SHISAL2B: variants seen among roughly 807,000 people sequenced by gnomAD.
The protein encoded by SHISAL2B is protein shisa-like-2B.
A neutral mutation model predicts 16.5 loss-of-function variants in SHISAL2B; 12 were observed. The observed-to-expected ratio is 0.73, with a 90% CI of 0.47 to 1.18. The LOEUF (loss-of-function observed/expected upper bound fraction) is 1.18, where lower values mean the gene tolerates loss of function less well. Ranked by LOEUF, SHISAL2B falls within the 50% of genes most tolerant of loss-of-function variation. The pLI, the probability that SHISAL2B is intolerant of heterozygous loss-of-function variation, is 0.00. For missense variants in SHISAL2B, 183 were observed against 193.6 expected (o/e 0.95, Z 0.33); for synonymous variants, 72 against 75.0 (o/e 0.96, Z 0.21).
chr5:64,708,336 G>C (rs1052161743), intron 2 of SHISAL2B, among the ~76,000 whole-genome samples: 1 of 152,128 alleles, frequency 6.6e-6, no homozygotes, highest in Non-Finnish European at 1.5e-5. Flanking sequence ...ACTTTAGAAA[G>C]TGTGTCAAAT....
At position 64,708,208 on chromosome 5, in the gene SHISAL2B, C is replaced by A. The variant is rs376281263; in HGVS notation, c.350-9681C>A. Reference sequence around the variant, plus strand: ...GATATAGCCCAAAGAATACCAAACACCATTTCATATTTGACAATGCTTCCT... The same window carrying A: ...GATATAGCCCAAAGAATACCAAACAACATTTCATATTTGACAATGCTTCCT... On this transcript the variant is annotated intron_variant, in intron 2 of 2. Coordinates refer to ENST00000389074, the MANE Select transcript of SHISAL2B (RefSeq NM_001164442.2). 2.4e-4 allele frequency among the ~76,000 whole-genome samples: 36 copies of A among 152,206 alleles called. No homozygotes were observed. The East Asian group carries it at 4.6e-3, about 20-fold the overall frequency.
chr5:64,706,745 A>G (rs1225706294), intron 2 of SHISAL2B, among the ~76,000 whole-genome samples: 1 of 152,180 alleles, frequency 6.6e-6, no homozygotes, highest in Non-Finnish European at 1.5e-5. Context: ...AATATAGGCC[A>G]TATTACTTTG....
chr5:64,695,076 G>A (rs1390205889), intron 1 of SHISAL2B, among the ~76,000 whole-genome samples: 1 of 151,986 alleles, frequency 6.6e-6, no homozygotes, highest in Non-Finnish European at 1.5e-5. Context: ...ACCATCCTGG[G>A]CAACATGGTG....
chr5:64,695,171 A>C (rs1364470532), intron 1 of SHISAL2B, among the ~76,000 whole-genome samples: 5 of 152,170 alleles, frequency 3.3e-5, no homozygotes, highest in Admixed American at 3.3e-4. Context: ...AGGCTGAGGC[A>C]CGAGAATCAC....
chr5:64,709,887 T>G (rs1223467971), intron 2 of SHISAL2B, among the ~76,000 whole-genome samples: 2 of 151,966 alleles, frequency 1.3e-5, no homozygotes, highest in South Asian at 2.1e-4. Context: ...GATGGGGTTG[T>G]TTTTTTTCTT....
rs114699340 is a variant in SHISAL2B, at chr5:64,694,499, T to C, written c.192-1008T>C. Among the ~76,000 whole-genome samples, 286 of 152,392 alleles carry C rather than the reference T, an allele frequency of 1.9e-3. 2 individuals are homozygous for C. Among genetic ancestry groups the C allele is most frequent in the African/African-American group, 6.5e-3 (271 of 41,600 alleles). ...ATTAAGTTCACAGGCTTATGAAAAC[T>C]GTATTTCTCAAATGATTAGACTTAG... On this transcript the variant is annotated intron_variant, in intron 1 of 2. Transcript: ENST00000389074.
At chr5:64,702,902 A>T (rs1287045303) in intron 2 of SHISAL2B, among the ~76,000 whole-genome samples, 1 of 151,838 alleles carries the variant, frequency 6.6e-6, no homozygotes, top group Admixed American at 6.6e-5. Context: ...TCTGTTTTGG[A>T]CTCTGTGTTT....
At chr5:64,696,965 C>T (rs1741747524) in intron 2 of SHISAL2B, among the ~76,000 whole-genome samples, 1 of 152,162 alleles carries the variant, frequency 6.6e-6, no homozygotes, top group Admixed American at 6.5e-5. Flanking sequence ...CGTATACCCC[C>T]TCCCCTTTTA....
chr5:64,696,394 A>C lies in SHISAL2B; in HGVS notation c.349+730A>C, dbSNP rs181590880. 2.3e-3 allele frequency among the ~76,000 whole-genome samples: 355 copies of C among 152,344 alleles called. 1 individual carries two copies. Among genetic ancestry groups the C allele is most frequent in the African/African-American group, 7.5e-3 (310 of 41,580 alleles). On this transcript the variant is annotated intron_variant, in intron 2 of 2. Coordinates refer to ENST00000389074, the MANE Select transcript of SHISAL2B (RefSeq NM_001164442.2). Reference sequence around the variant, plus strand: ...GCACCTTGAAAAAGAACAGAATAACAGTGATTTTTCAGAGAACAAGGGAAG... The same window carrying C: ...GCACCTTGAAAAAGAACAGAATAACCGTGATTTTTCAGAGAACAAGGGAAG...
At chr5:64,692,237 G>A (rs1332471889) in intron 1 of SHISAL2B, among the ~76,000 whole-genome samples, 3 of 152,192 alleles carry the variant, frequency 2.0e-5, no homozygotes, top group Non-Finnish European at 4.4e-5. Flanking sequence ...AACAGGGACT[G>A]GCAATTCCTC....
intron 2 of SHISAL2B, among the ~76,000 whole-genome samples, chr5:64,709,710 A>G (rs1034657856): frequency 3.3e-5 from 5 of 149,278 alleles, no homozygotes; most frequent in African/African-American, 1.2e-4. Flanking sequence ...TTGTTTCCTG[A>G]CTTTTTAATG....
At chr5:64,703,789 A>C (rs538542397) in intron 2 of SHISAL2B, among the ~76,000 whole-genome samples, 157 of 152,316 alleles carry the variant, frequency 1.0e-3, no homozygotes, top group African/African-American at 3.6e-3. Flanking sequence ...CTACAGCAAA[A>C]GGGCAAGTCC....
chr5:64,712,251 T>C (rs1741970014), intron 2 of SHISAL2B, among the ~76,000 whole-genome samples: 1 of 151,184 alleles, frequency 6.6e-6, no homozygotes, highest in Non-Finnish European at 1.5e-5. Flanking sequence ...TTTGTTCTTG[T>C]TGGTTTCAAA....
intron 1 of SHISAL2B, 102 bp downstream of exon 1, chr5:64,690,916 C>G: frequency 9.6e-7 from 1 of 1,046,082 alleles, no homozygotes; most frequent in Non-Finnish European, 1.3e-6. Context: ...CGCGTCCCCG[C>G]TATCCGCCCT....
At chr5:64,705,311 C>A (rs1741860895) in intron 2 of SHISAL2B, among the ~76,000 whole-genome samples, 1 of 152,034 alleles carries the variant, frequency 6.6e-6, no homozygotes, top group African/African-American at 2.4e-5. Flanking sequence ...TTAGAGAGAA[C>A]CCCGGAATGA....
At chr5:64,715,278 G>T (rs753682002) in intron 2 of SHISAL2B, among the ~76,000 whole-genome samples, 3 of 151,474 alleles carry the variant, frequency 2.0e-5, no homozygotes, top group Middle Eastern at 3.2e-3. Flanking sequence ...TAAAGGCAAG[G>T]TTTAGATTCA....
chr5:64,704,826 T>C (rs1741854418), intron 2 of SHISAL2B, among the ~76,000 whole-genome samples: 1 of 152,148 alleles, frequency 6.6e-6, no homozygotes. Flanking sequence ...TTTAAAATTA[T>C]CCCAGAGTTG....
At chr5:64,714,493 G>T (rs1475531041) in intron 2 of SHISAL2B, among the ~76,000 whole-genome samples, 1 of 151,260 alleles carries the variant, frequency 6.6e-6, no homozygotes, top group Admixed American at 6.6e-5. Context: ...CTGTCTTTTT[G>T]TTTGTCTGTG....
At chr5:64,705,950 G>A (rs1362745177) in intron 2 of SHISAL2B, among the ~76,000 whole-genome samples, 1 of 152,142 alleles carries the variant, frequency 6.6e-6, no homozygotes, top group African/African-American at 2.4e-5. Flanking sequence ...CTTGAGCCCA[G>A]GATTTCAAGG....
Sources: allele counts gnomAD v4.1 joint callset (sites outside exome capture counted in the v4.1 genomes callset), GRCh38; gene constraint gnomAD v4.1.1; transcripts MANE v1.5; gene names NCBI Gene and HGNC (gene_info 2026-07-23, HGNC 2026-07-21).